ATRNL1: variants seen among roughly 807,000 people sequenced by gnomAD.
The protein encoded by ATRNL1 is attractin like 1, also known as attractin-like protein 1.
In ATRNL1, 95 loss-of-function variants were observed where a neutral mutation model predicts 182.7. The observed-to-expected ratio is 0.52, with a 90% CI of 0.44 to 0.62. The LOEUF (loss-of-function observed/expected upper bound fraction) is 0.62. Ranked by LOEUF, ATRNL1 falls within the 20% of genes least tolerant of loss-of-function variation. The pLI, the probability that ATRNL1 is intolerant of heterozygous loss-of-function variation, is 0.00. For missense variants in ATRNL1, 1,471 were observed against 1,679.5 expected, an observed-to-expected ratio of 0.88 and a Z score of 2.17; for synonymous variants, 576 against 568.3, an observed-to-expected ratio of 1.01 and a Z score of -0.19.
chr10:115,246,046 A>G (rs1443039462), intron 10 of ATRNL1, among the ~76,000 whole-genome samples: 1 of 152,216 alleles, frequency 6.6e-6, no homozygotes, highest in Non-Finnish European at 1.5e-5. Flanking sequence ...AGAGGCCACT[A>G]AATAAAAGAA....
At chr10:115,888,018 G>A (rs1250945014) in intron 28 of ATRNL1, among the ~76,000 whole-genome samples, 3 of 152,028 alleles carry the variant, frequency 2.0e-5, no homozygotes, top group Non-Finnish European at 4.4e-5. Context: ...TGCTTAAAAC[G>A]TCCAAAGGAC....
intron 20 of ATRNL1, among the ~76,000 whole-genome samples, chr10:115,407,421 C>T (rs1373806872): frequency 6.6e-5 from 10 of 152,002 alleles, no homozygotes; most frequent in Admixed American, 6.6e-4. Flanking sequence ...TTCTGTTCTA[C>T]TTTTTACTTC....
intron 27 of ATRNL1, among the ~76,000 whole-genome samples, chr10:115,775,246 A>C (rs1949094258): frequency 6.6e-6 from 1 of 152,184 alleles, no homozygotes; most frequent in Non-Finnish European, 1.5e-5. Context: ...TCAATACTTA[A>C]GTTAAAATAT....
At chr10:115,594,743 G>A (rs1856127758) in intron 26 of ATRNL1, among the ~76,000 whole-genome samples, 1 of 152,108 alleles carries the variant, frequency 6.6e-6, no homozygotes, top group Non-Finnish European at 1.5e-5. Flanking sequence ...GACTTCAAGT[G>A]ATCCACCTGC....
chr10:115,145,106 C>A (rs371773405), intron 5 of ATRNL1, among the ~76,000 whole-genome samples: 1 of 151,902 alleles, frequency 6.6e-6, no homozygotes. Flanking sequence ...TTGACAGTTA[C>A]GATTATTCAA....
intron 9 of ATRNL1, among the ~76,000 whole-genome samples, chr10:115,217,274 G>C (rs782089719): frequency 6.6e-6 from 1 of 152,122 alleles, no homozygotes; most frequent in Non-Finnish European, 1.5e-5. Context: ...TTTTAGTACA[G>C]ATGGGGTTTC....
intron 7 of ATRNL1, among the ~76,000 whole-genome samples, chr10:115,166,828 T>C (rs1847068328): frequency 6.6e-6 from 1 of 152,048 alleles, no homozygotes; most frequent in African/African-American, 2.4e-5. Flanking sequence ...TTCCAGATAT[T>C]TTCCCCCTTT....
intron 8 of ATRNL1, among the ~76,000 whole-genome samples, chr10:115,209,946 G>A (rs1564822600): frequency 6.6e-6 from 1 of 151,910 alleles, no homozygotes; most frequent in Non-Finnish European, 1.5e-5. Context: ...TTCCTTGCCT[G>A]AACTGCTAGT....
chr10:115,389,972 C>T (rs1843936127), intron 19 of ATRNL1, among the ~76,000 whole-genome samples: 1 of 151,950 alleles, frequency 6.6e-6, no homozygotes, highest in Non-Finnish European at 1.5e-5. Context: ...TTTTCATATA[C>T]CTATTGGCCA....
At chr10:115,340,794 A>G (rs1855719306) in intron 19 of ATRNL1, among the ~76,000 whole-genome samples, 1 of 151,630 alleles carries the variant, frequency 6.6e-6, no homozygotes, top group Non-Finnish European at 1.5e-5. Flanking sequence ...TTTCTTCTAG[A>G]TGTTCCAGTT....
At chr10:115,412,201 A>G (rs782555808) in intron 20 of ATRNL1, among the ~76,000 whole-genome samples, 4 of 152,146 alleles carry the variant, frequency 2.6e-5, no homozygotes, top group Admixed American at 6.6e-5. Context: ...AGTATCCTCT[A>G]GCAGCTGAGG....
chr10:115,612,466 G>T (rs1555019328), intron 26 of ATRNL1, among the ~76,000 whole-genome samples: 1 of 152,186 alleles, frequency 6.6e-6, no homozygotes, highest in African/African-American at 2.4e-5. Flanking sequence ...AGGATATGTG[G>T]ACTATGGGGA....
rs576357068 is a variant in ATRNL1, at chr10:115,179,444, C to G, written c.1348+8152C>G. 3.2e-4 allele frequency among the ~76,000 whole-genome samples: 49 copies of G among 152,234 alleles called. 2 individuals are homozygous for G. In the South Asian group the frequency reaches 9.5e-3, roughly 30 times the overall value. On this transcript the variant is annotated intron_variant, in intron 8 of 28. Transcript: ENST00000355044. Reference sequence around the variant, plus strand: ...ATTTTCTAGGAATTCTGGAAACACTCCCTCCTCTTGCTTTTTTAAGGCCAA... The same window carrying G: ...ATTTTCTAGGAATTCTGGAAACACTGCCTCCTCTTGCTTTTTTAAGGCCAA...
chr10:115,334,488 G>A (rs952792659), intron 19 of ATRNL1, 69 bp downstream of exon 19: 9 of 1,265,376 alleles, frequency 7.1e-6, no homozygotes, highest in Non-Finnish European at 8.5e-6. Context: ...AGCAGCGCCT[G>A]TTGTGGAGAA....
intron 27 of ATRNL1, among the ~76,000 whole-genome samples, chr10:115,779,625 A>G (rs78893319): frequency 2.0e-5 from 3 of 152,212 alleles, no homozygotes; most frequent in Non-Finnish European, 4.4e-5. Context: ...AGGACTGTGC[A>G]TATATCCTTT....
At chr10:115,393,529 A>G (rs782724504) in intron 19 of ATRNL1, among the ~76,000 whole-genome samples, 1 of 152,160 alleles carries the variant, frequency 6.6e-6, no homozygotes, top group Non-Finnish European at 1.5e-5. Context: ...TGGTTTAGCT[A>G]ACTGGTAGTG....
chr10:115,366,169 C>T (rs1465295804), intron 19 of ATRNL1, among the ~76,000 whole-genome samples: 3 of 152,108 alleles, frequency 2.0e-5, no homozygotes, highest in Admixed American at 6.5e-5. Flanking sequence ...CTTTGTAGGT[C>T]ACTCAGGACT....
At chr10:115,920,495 T>A (rs1953017882) in intron 28 of ATRNL1, among the ~76,000 whole-genome samples, 1 of 152,190 alleles carries the variant, frequency 6.6e-6, no homozygotes, top group Admixed American at 6.5e-5. Context: ...TGCCAGGGAA[T>A]AATATAATTG....
At chr10:115,721,645 C>G (rs1555057784) in intron 26 of ATRNL1, among the ~76,000 whole-genome samples, 1 of 152,096 alleles carries the variant, frequency 6.6e-6, no homozygotes, top group African/African-American at 2.4e-5. Context: ...GAAAGACCAG[C>G]CCCCATGATT....
Sources: gnomAD v4.1 joint callset for allele counts (sites outside exome capture counted in the v4.1 genomes callset) on GRCh38, gnomAD v4.1.1 for gene constraint, MANE v1.5 for transcripts, NCBI Gene and HGNC (gene_info 2026-07-23, HGNC 2026-07-21) for gene names.